PADI6: variants seen among roughly 807,000 people sequenced by gnomAD.
The protein encoded by PADI6 is peptidyl arginine deiminase 6, also known as inactive protein-arginine deiminase type-6.
Under a neutral mutation model 78.2 loss-of-function variants are expected in PADI6, and 66 were observed. The ratio of observed to expected loss-of-function variants is 0.84; its 90% CI spans 0.69 to 1.04. The LOEUF (loss-of-function observed/expected upper bound fraction) is 1.04. Ranked by LOEUF, PADI6 falls within the 50% of genes least tolerant of loss-of-function variation. PADI6 has a pLI of 0.00. For synonymous variants in PADI6, 397 were observed against 346.9 expected (o/e 1.14, Z -1.60); for missense variants, 854 against 866.1 (o/e 0.99, Z 0.18).
At chr1:17,373,369 C>A in intron 2 of PADI6, 136 bp downstream of exon 2, 1 of 1,051,556 alleles carries the variant, frequency 9.5e-7, no homozygotes, top group Non-Finnish European at 1.4e-6. Context: ...CATCCAGTGT[C>A]TGCAACAGAC....
Position 17,398,955 on chromosome 1 carries a change from C to T in PADI6, c.1851+108C>T, listed in dbSNP as rs149482978. ...ATATGGTGGACAGCAGATAACGGTA[C>T]CTATGAGGAAATGGGAGGGAGACCC... is the stretch of plus-strand genomic sequence containing the variant. On this transcript the variant is annotated intron_variant, in intron 15 of 15. Coordinates refer to ENST00000619609, the MANE Select transcript of PADI6 (RefSeq NM_207421.4). The T allele has an allele frequency of 3.1e-5, 39 of 1,246,854 alleles. 2 individuals carry two copies. The African/African-American group carries it at 5.6e-4, about 18-fold the overall frequency. 77.2% of individuals were successfully genotyped at this position (1,246,854 alleles called of 1,614,324 possible). A position where few individuals can be genotyped will look rare whatever the true frequency, so the allele number is the denominator to read the frequency against.
At chr1:17,378,307 T>C (rs1359851717) in intron 3 of PADI6, among the ~76,000 whole-genome samples, 2 of 152,188 alleles carry the variant, frequency 1.3e-5, no homozygotes, top group Admixed American at 1.3e-4. Flanking sequence ...GGTCTCCGTC[T>C]TGCACGCTGC....
At chr1:17,384,098 G>A (rs947231314) in intron 6 of PADI6, among the ~76,000 whole-genome samples, 1 of 151,584 alleles carries the variant, frequency 6.6e-6, no homozygotes, top group Admixed American at 6.6e-5. Context: ...AGCCGACGTT[G>A]CACCACTGCA....
Position 17,372,287 on chromosome 1 carries a change from C to A in PADI6, c.42C>A (p.Ile14=). The change falls in exon 1 of 16, where the codon ATC becomes ATA. Residue 14 remains isoleucine, a synonymous_variant. Transcript: ENST00000619609. The stretch of plus-strand genomic sequence containing the variant: ...GCCGAGCCATGTCCTTCCAGAGTAT[C>A]ATCCACCTGTCCCTGGACAGCCCTG... The part of the protein sequence containing the change: ...VEGRAMSFQS[I]IHLSLDSPVH... The A allele has an allele frequency of 6.2e-7, 1 of 1,613,986 alleles. No homozygotes were observed. Among genetic ancestry groups the A allele is most frequent in the Admixed American group, 1.7e-5 (1 of 60,024 alleles).
chr1:17,381,821 T>A, intron 5 of PADI6, 146 bp from the exon 6 acceptor site: 1 of 861,436 alleles, frequency 1.2e-6, no homozygotes, highest in South Asian at 1.5e-5. Context: ...AGTGAAATGG[T>A]AATTCTTCGG....
chr1:17,383,132 G>T (rs925959645), intron 6 of PADI6, among the ~76,000 whole-genome samples: 5 of 152,182 alleles, frequency 3.3e-5, no homozygotes, highest in Non-Finnish European at 7.3e-5. Context: ...GCTACGCAAC[G>T]CAGGGAGCTC....
intron 5 of PADI6, among the ~76,000 whole-genome samples, chr1:17,381,647 G>A (rs1442997020): frequency 6.6e-6 from 1 of 152,184 alleles, no homozygotes; most frequent in African/African-American, 2.4e-5. Flanking sequence ...GGAATGTCTT[G>A]TTTCCTACTG....
chr1:17,375,576 GC>G, intron 3 of PADI6, 77 bp downstream of exon 3: 1 of 1,329,162 alleles, frequency 7.5e-7, no homozygotes, highest in Non-Finnish European at 1.0e-6. Context: ...TGTAGGAGGA[GC>G]CAAAAAAGAT....
chr1:17,376,032 T>C (rs145728654), intron 3 of PADI6, among the ~76,000 whole-genome samples: 7 of 152,124 alleles, frequency 4.6e-5, no homozygotes, highest in Non-Finnish European at 1.0e-4. Context: ...TGGAGTACAG[T>C]GGCATGATCT....
Position 17,394,086 on chromosome 1 carries a change from T to C in PADI6, c.1182+4T>C. ...GTTCCCCATGAAGTACTCACTGGTG[T>C]GGAACTTGGTTTGGCTAATCTGAGC... On this transcript the variant is annotated splice_donor_region_variant and intron_variant, in intron 10 of 15. Transcript: ENST00000619609. 1 of 1,612,386 alleles carries C rather than the reference T, an allele frequency of 6.2e-7. No homozygotes were observed. The highest frequency in any genetic ancestry group is 8.5e-7 in the Non-Finnish European group (1 of 1,178,524).
intron 5 of PADI6, among the ~76,000 whole-genome samples, chr1:17,381,706 G>A (rs954940583): frequency 1.3e-5 from 2 of 152,106 alleles, no homozygotes; most frequent in African/African-American, 4.8e-5. Context: ...TGAACTGATC[G>A]AGGTAGGCCC....
chr1:17,390,620 T>A (rs1263108585), intron 8 of PADI6, among the ~76,000 whole-genome samples: 1 of 125,894 alleles, frequency 7.9e-6, no homozygotes, highest in Non-Finnish European at 1.8e-5. Context: ...AAAAAAGACT[T>A]CTACCCCTCT....
chr1:17,387,329 T>TAGCTACTC (rs922808867), intron 6 of PADI6, among the ~76,000 whole-genome samples: 2 of 151,744 alleles, frequency 1.3e-5, no homozygotes, highest in Non-Finnish European at 2.9e-5. Context: ...CCTATAGTCC[T>TAGCTACTC]AGCTACTCAG....
intron 11 of PADI6, 26 bp from the exon 12 acceptor site, chr1:17,394,925 A>G (rs781426360): frequency 3.2e-6 from 5 of 1,577,992 alleles, no homozygotes; most frequent in South Asian, 2.3e-5. Context: ...CTGGCTCAAG[A>G]GCTGTTCTTT....
chr1:17,396,734 C>T (rs936720506), intron 13 of PADI6, among the ~76,000 whole-genome samples: 19 of 152,134 alleles, frequency 1.2e-4, no homozygotes, highest in African/African-American at 4.3e-4. Flanking sequence ...CAGAAAGTGC[C>T]AGGTTGTATT....
intron 6 of PADI6, among the ~76,000 whole-genome samples, chr1:17,382,674 C>T (rs1009315625): frequency 1.3e-5 from 2 of 150,326 alleles, no homozygotes; most frequent in African/African-American, 2.4e-5. Flanking sequence ...AACAGCCTTG[C>T]ACATCTTTTG....
intron 15 of PADI6, among the ~76,000 whole-genome samples, chr1:17,399,959 C>T (rs1356729763): frequency 2.0e-5 from 3 of 151,812 alleles, no homozygotes; most frequent in Non-Finnish European, 4.4e-5. Flanking sequence ...CCCTTGAACC[C>T]AGGAGGCAGA....
chr1:17,394,589 T>G (rs2075226857), intron 11 of PADI6, 135 bp downstream of exon 11: 1 of 967,866 alleles, frequency 1.0e-6, no homozygotes, highest in African/African-American at 1.6e-5. Flanking sequence ...ATTTGAGCTT[T>G]TGATTCACGT....
At chr1:17,397,347 G>A (rs543235243) in intron 14 of PADI6, among the ~76,000 whole-genome samples, 114 of 152,292 alleles carry the variant, frequency 7.5e-4, no homozygotes, top group African/African-American at 2.6e-3. Flanking sequence ...AGAGGAGTAA[G>A]GAGTTAGGTC....
Sources: gnomAD v4.1 joint callset for allele counts (sites outside exome capture counted in the v4.1 genomes callset) on GRCh38, gnomAD v4.1.1 for gene constraint, MANE v1.5 for transcripts, NCBI Gene and HGNC (gene_info 2026-07-23, HGNC 2026-07-21) for gene names.